The following COPS3 variants were observed in gnomAD, a reference collection of about 807,000 sequenced individuals.
The protein encoded by COPS3 is COP9 signalosome subunit 3, also known as COP9 signalosome complex subunit 3.
COPS3 carries 10 observed loss-of-function variants against 58.2 expected under a neutral mutation model. The observed-to-expected ratio is 0.17, with a 90% CI of 0.11 to 0.29. The LOEUF is 0.29. Ranked by LOEUF, COPS3 falls within the 10% of genes least tolerant of loss-of-function variation. COPS3 has a pLI of 1.00. For missense variants in COPS3, 333 were observed against 510.1 expected (o/e 0.65, Z 3.34); for synonymous variants, 187 against 181.7 (o/e 1.03, Z -0.24).
intron 8 of COPS3, chr17:17,255,170 C>T: frequency 5.7e-6 from 2 of 350,342 alleles, no homozygotes. Flanking sequence ...TATGGTGGTG[C>T]ACGCCTGTAG....
In COPS3 at chr17:17,267,922, G is replaced by A. The variant is rs200477537; in HGVS notation, c.404C>T (p.Thr135Ile). The A allele has an allele frequency of 3.7e-6, 6 of 1,614,026 alleles. No individual in the cohort carries two copies. In the East Asian group the frequency reaches 6.7e-5, roughly 18 times the overall value. ...KQAIDKMQMN[T>I]NQLTSIHADL... ...AGCATGTATTGAGGTCAGCTGGTTT[G>A]TATTCATCTGCATCTTGTCTATGGC... is the stretch of plus-strand genomic sequence containing the variant. The change falls in exon 5 of 12, where the codon ACA becomes ATA. Residue 135 changes from threonine (T) to isoleucine (I), a missense_variant. Thr to Ile is a moderately conservative substitution (Grantham distance 89, BLOSUM62 -1). Coordinates refer to ENST00000268717, the MANE Select transcript of COPS3 (RefSeq NM_003653.4).
intron 9 of COPS3, among the ~76,000 whole-genome samples, chr17:17,253,894 G>A (rs1159920768): frequency 6.6e-6 from 1 of 152,140 alleles, no homozygotes; most frequent in African/African-American, 2.4e-5. Context: ...GGGAGGCTGA[G>A]ACAGGAGAAT....
chr17:17,252,625 AG>A (rs2145192481), intron 9 of COPS3, among the ~76,000 whole-genome samples: 1 of 152,352 alleles, frequency 6.6e-6, no homozygotes, highest in South Asian at 2.1e-4. Context: ...AGAGCCTGTC[AG>A]GGTGTCTGGG....
intron 2 of COPS3, among the ~76,000 whole-genome samples, chr17:17,271,757 T>G (rs1412936582): frequency 1.4e-5 from 2 of 146,474 alleles, no homozygotes; most frequent in Non-Finnish European, 3.0e-5. Flanking sequence ...GAGGTGGAGG[T>G]TGCAGTGAGC....
chr17:17,269,976 T>TTC (rs1406175322), intron 4 of COPS3, among the ~76,000 whole-genome samples: 11 of 152,198 alleles, frequency 7.2e-5, no homozygotes, highest in Middle Eastern at 3.4e-3. Context: ...GGCAACATGG[T>TTC]GAAACCCCGT....
At chr17:17,252,187 C>A (rs185447783) in intron 9 of COPS3, among the ~76,000 whole-genome samples, 80 of 152,240 alleles carry the variant, frequency 5.3e-4, no homozygotes, top group African/African-American at 1.9e-3. Context: ...GTGTTGGAAT[C>A]TTTGTGAAAA....
At chr17:17,266,649 A>T (rs758392424) in intron 5 of COPS3, among the ~76,000 whole-genome samples, 2 of 151,900 alleles carry the variant, frequency 1.3e-5, no homozygotes, top group Non-Finnish European at 2.9e-5. Context: ...AAATACAAAA[A>T]TTAGCCGGGT....
intron 1 of COPS3, chr17:17,280,625 C>T: frequency 7.7e-7 from 1 of 1,303,358 alleles, no homozygotes; most frequent in African/African-American, 1.5e-5. Flanking sequence ...GCACAGGTTC[C>T]CGAGCGTGCG....
chr17:17,252,747 C>A (rs1324844296), intron 9 of COPS3, among the ~76,000 whole-genome samples: 2 of 152,182 alleles, frequency 1.3e-5, no homozygotes, highest in Non-Finnish European at 2.9e-5. Context: ...TCACTCGCCA[C>A]TGAAGAGGGA....
intron 2 of COPS3, among the ~76,000 whole-genome samples, chr17:17,275,417 T>C (rs1322089448): frequency 1.3e-5 from 2 of 151,976 alleles, no homozygotes; most frequent in African/African-American, 4.8e-5. Context: ...TTTGAGACAG[T>C]CTCGCTCTGT....
intron 9 of COPS3, among the ~76,000 whole-genome samples, chr17:17,250,176 G>A (rs1392003522): frequency 6.6e-6 from 1 of 151,794 alleles, no homozygotes; most frequent in Non-Finnish European, 1.5e-5. Context: ...TTTGTGGTCT[G>A]GCTTCCCTTA....
Position 17,268,849 on chromosome 17 carries a change from A to T in COPS3, c.349-872T>A, listed in dbSNP as rs1238454756. 3.3e-5 allele frequency among the ~76,000 whole-genome samples: 5 copies of T among 150,198 alleles called. No individual in the cohort carries two copies. In the East Asian group the frequency reaches 7.7e-4, roughly 23 times the overall value. ...AACAACAACAACAACAACAACAACA[A>T]AAATATATATATATATATGTGAAGA... On this transcript the variant is annotated intron_variant, in intron 4 of 11. Coordinates refer to ENST00000268717, the MANE Select transcript of COPS3 (RefSeq NM_003653.4).
At chr17:17,270,166 A>C (rs955981465) in intron 4 of COPS3, among the ~76,000 whole-genome samples, 3 of 152,154 alleles carry the variant, frequency 2.0e-5, no homozygotes, top group Non-Finnish European at 4.4e-5. Context: ...CCAAAAAAAA[A>C]AACAGTAAGA....
Position 17,281,189 on chromosome 17 carries a change from T to C in COPS3, c.-3A>G. 6.2e-7 allele frequency: 1 copy of C among 1,610,142 alleles called. No individual in the cohort carries two copies. Among genetic ancestry groups the C allele is most frequent in the Non-Finnish European group, 8.5e-7 (1 of 1,178,518 alleles). ...AACTGCTCCAGGGCAGACGCCATGT[T>C]TTCCCCCGGGCGGCCCGAGCGGCGA... On this transcript the variant is annotated 5_prime_UTR_variant, in exon 1 of 12. Transcript: ENST00000268717.
At chr17:17,268,429 C>T (rs528291823) in intron 4 of COPS3, among the ~76,000 whole-genome samples, 5 of 152,282 alleles carry the variant, frequency 3.3e-5, no homozygotes, top group Non-Finnish European at 5.9e-5. Flanking sequence ...AAAACTAACA[C>T]CATAGATTTC....
chr17:17,260,175 C>T (rs1214376861), intron 8 of COPS3, 126 bp downstream of exon 8: 1 of 948,090 alleles, frequency 1.1e-6, no homozygotes, highest in Non-Finnish European at 1.6e-6. Context: ...AGAGTTCTCT[C>T]TCAGCACAGA....
intron 9 of COPS3, among the ~76,000 whole-genome samples, chr17:17,251,328 CTT>C (rs947026245): frequency 6.8e-6 from 1 of 147,496 alleles, no homozygotes; most frequent in East Asian, 2.0e-4. Flanking sequence ...GAGTTTCGCT[CTT>C]GTCACCCAGG....
intron 9 of COPS3, 138 bp from the exon 10 acceptor site, chr17:17,249,177 G>C (rs2047785942): frequency 3.5e-6 from 2 of 572,372 alleles, no homozygotes; most frequent in Non-Finnish European, 6.1e-6. Flanking sequence ...AGCGCCATCT[G>C]TTTATCCAAG....
At chr17:17,264,770 G>C in intron 6 of COPS3, 32 bp downstream of exon 6, 1 of 1,581,524 alleles carries the variant, frequency 6.3e-7, no homozygotes. Flanking sequence ...CACAAGTTCA[G>C]AACAACCTCA....
Sources: gnomAD v4.1 joint callset for allele counts (sites outside exome capture counted in the v4.1 genomes callset) on GRCh38, gnomAD v4.1.1 for gene constraint, MANE v1.5 for transcripts, NCBI Gene and HGNC (gene_info 2026-07-23, HGNC 2026-07-21) for gene names.